The following PPARD variants were observed in gnomAD, a reference collection of about 807,000 sequenced individuals.
PPARD encodes the protein peroxisome proliferator activated receptor delta.
Under a neutral mutation model 39.5 loss-of-function variants are expected in PPARD, and 6 were observed. That is an observed-to-expected ratio of 0.15 (90% confidence interval 0.08 to 0.30). The LOEUF (loss-of-function observed/expected upper bound fraction) is 0.30. PPARD is among the 10% of genes least tolerant of loss of function. The pLI is 1.00. For missense variants in PPARD, 397 were observed against 596.8 expected, an observed-to-expected ratio of 0.67 and a Z score of 3.49; for synonymous variants, 210 against 231.3, an observed-to-expected ratio of 0.91 and a Z score of 0.83.
intron 5 of PPARD, 137 bp from the exon 6 acceptor site, chr6:35,423,809 C>T: frequency 1.3e-6 from 1 of 742,630 alleles, no homozygotes; most frequent in Non-Finnish European, 2.2e-6. Flanking sequence ...CCCATCATTC[C>T]TACCTTGCTG....
chr6:35,415,922 A>G (rs67056409), intron 3 of PPARD, among the ~76,000 whole-genome samples: 44,354 of 151,982 alleles, frequency 0.29, 8,232 homozygotes, highest in African/African-American at 0.52. Flanking sequence ...GCTCAAGTCC[A>G]AAGGCAGCCT....
Position 35,425,704 on chromosome 6 carries a change from TG to T in PPARD, c.1079-125del. 7.4e-7 allele frequency: 1 copy of T among 1,357,912 alleles called. No individual in the cohort carries two copies. Among genetic ancestry groups the T allele is most frequent in the Non-Finnish European group, 1.0e-6 (1 of 995,484 alleles). 84.1% of individuals were successfully genotyped at this position (1,357,912 alleles called of 1,614,324 possible). ...AGAACACCCAGTGGAGCATTGCTGA[TG>T]GGACAGGGCTTGGTCTGTCACGGCC... On this transcript the variant is annotated intron_variant, in intron 7 of 7. Transcript: ENST00000360694. The surrounding 1 kb of genome is among the most constrained non-coding windows in gnomAD (Gnocchi z 4.5).
intron 2 of PPARD, among the ~76,000 whole-genome samples, chr6:35,379,392 G>A (rs911617407): frequency 5.3e-5 from 8 of 152,134 alleles, no homozygotes; most frequent in Admixed American, 1.3e-4. Flanking sequence ...ATGAGCCACC[G>A]CGCCTGGCTT....
chr6:35,363,304 T>C lies in PPARD; in HGVS notation c.-102+16154T>C, dbSNP rs1172051295. ...ATGCTTAAAAGCAGGCTGATTTCCA[T>C]AGGCTGTGCGTTCCTGTGGGCCTGC... On this transcript the variant is annotated intron_variant, in intron 2 of 7. Coordinates refer to ENST00000360694, the MANE Select transcript of PPARD (RefSeq NM_006238.5). This position sits in a 1 kb window ranked among gnomAD's most constrained non-coding sequence, Gnocchi z 4.5. Among the ~76,000 whole-genome samples the C allele has an allele frequency of 6.6e-6, 1 of 152,182 alleles. No homozygotes were observed. Among genetic ancestry groups the C allele is most frequent in the African/African-American group, 2.4e-5 (1 of 41,448 alleles).
At chr6:35,391,640 AAG>A in intron 2 of PPARD, among the ~76,000 whole-genome samples, 1 of 152,340 alleles carries the variant, frequency 6.6e-6, no homozygotes, top group East Asian at 1.9e-4. Flanking sequence ...CATTTAGGAA[AAG>A]AGACGACTGT....
At chr6:35,380,070 G>A (rs1186285689) in intron 2 of PPARD, among the ~76,000 whole-genome samples, 1 of 152,344 alleles carries the variant, frequency 6.6e-6, no homozygotes, top group African/African-American at 2.4e-5. Flanking sequence ...GAATCAGAAT[G>A]TCTGGGAGTG....
At chr6:35,404,137 G>C (rs1287612852) in intron 2 of PPARD, among the ~76,000 whole-genome samples, 1 of 152,174 alleles carries the variant, frequency 6.6e-6, no homozygotes, top group African/African-American at 2.4e-5. Context: ...TCCTGGTCCA[G>C]TCTTACCCAG....
chr6:35,385,659 A>C (rs536417241), intron 2 of PPARD, among the ~76,000 whole-genome samples: 43 of 151,222 alleles, frequency 2.8e-4, no homozygotes, highest in Middle Eastern at 6.8e-3. Context: ...AAAAAAAAAA[A>C]AAAAAAAACA....
chr6:35,421,818 A>G lies in PPARD; in HGVS notation c.286-2A>G, dbSNP rs1289587667. 1 of 1,608,114 alleles carries G rather than the reference A, an allele frequency of 6.2e-7. No individual in the cohort carries two copies. Among genetic ancestry groups the G allele is most frequent in the Non-Finnish European group, 8.5e-7 (1 of 1,176,772 alleles). On this transcript the variant is annotated splice_acceptor_variant, in intron 4 of 7. Transcript: ENST00000360694. LOFTEE classifies it high-confidence loss of function. The stretch of plus-strand genomic sequence containing the variant: ...TTTCCTCACCTGTTCTTGGTGCTTC[A>G]GGGCTTCTTCCGTCGTACGATCCGC...
intron 2 of PPARD, among the ~76,000 whole-genome samples, chr6:35,410,685 T>C (rs1765368444): frequency 6.6e-6 from 1 of 152,086 alleles, no homozygotes; most frequent in Non-Finnish European, 1.5e-5. Flanking sequence ...TCCTGGAGAC[T>C]CAGAACAGAA....
At chr6:35,413,226 C>T (rs542451398) in intron 3 of PPARD, among the ~76,000 whole-genome samples, 24 of 152,264 alleles carry the variant, frequency 1.6e-4, no homozygotes, top group African/African-American at 2.6e-4. Context: ...GCAGGCATGG[C>T]GGTGACCTCT....
At chr6:35,379,429 G>A (rs146329339) in intron 2 of PPARD, among the ~76,000 whole-genome samples, 4 of 152,222 alleles carry the variant, frequency 2.6e-5, no homozygotes, top group East Asian at 1.9e-4. Context: ...CCCAACCCAC[G>A]TGAATCCCAT....
intron 2 of PPARD, among the ~76,000 whole-genome samples, chr6:35,350,520 G>T (rs937091931): frequency 5.3e-5 from 8 of 151,582 alleles, no homozygotes; most frequent in African/African-American, 1.9e-4. Flanking sequence ...TTTCCTCAGT[G>T]TATGTTCTTG....
intron 2 of PPARD, among the ~76,000 whole-genome samples, chr6:35,385,110 C>T (rs1432823591): frequency 1.4e-5 from 2 of 145,214 alleles, no homozygotes; most frequent in East Asian, 2.1e-4. Context: ...CCCCTCTGCC[C>T]GGCCACCACC....
chr6:35,376,315 G>A (rs1240974531), intron 2 of PPARD, among the ~76,000 whole-genome samples: 1 of 152,114 alleles, frequency 6.6e-6, no homozygotes, highest in Non-Finnish European at 1.5e-5. Context: ...ATATTGTTGA[G>A]CATTTTACCA....
Position 35,422,912 on chromosome 6 carries a change from T to C in PPARD, c.424+954T>C, listed in dbSNP as rs558150775. On this transcript the variant is annotated intron_variant, in intron 5 of 7. Transcript: ENST00000360694. The stretch of plus-strand genomic sequence containing the variant: ...TAAGTTTTAAAAAGTATTAGCCTCA[T>C]TTTTCTGATTAAAAAAGAAAAGTGG... Among the ~76,000 whole-genome samples the C allele has an allele frequency of 5.9e-5, 9 of 152,118 alleles. No individual in the cohort carries two copies. The South Asian group carries it at 1.7e-3, about 28-fold the overall frequency.
intron 2 of PPARD, among the ~76,000 whole-genome samples, chr6:35,397,048 G>A (rs1764369610): frequency 1.3e-5 from 2 of 152,196 alleles, no homozygotes; most frequent in African/African-American, 4.8e-5. Context: ...TTCCTCCTCA[G>A]GACTCAGCTG....
intron 2 of PPARD, among the ~76,000 whole-genome samples, chr6:35,391,380 T>C (rs1763991704): frequency 6.6e-6 from 1 of 152,254 alleles, no homozygotes; most frequent in South Asian, 2.1e-4. Context: ...TCATAGATTG[T>C]CCACATTCCA....
rs867804066 is a variant in PPARD, at chr6:35,409,598, T to G, written c.-101-1389T>G. Among the ~76,000 whole-genome samples the G allele has an allele frequency of 2.7e-4, 41 of 151,788 alleles. No individual in the cohort carries two copies. The Middle Eastern group carries it at 0.014, about 50-fold the overall frequency. ...TTTAGGTTCAGGGTACAGATGCAGG[T>G]TTGTTATGTGGGTGAACTTGTGTCA... On this transcript the variant is annotated intron_variant, in intron 2 of 7. Coordinates refer to ENST00000360694, the MANE Select transcript of PPARD (RefSeq NM_006238.5).
Sources: gnomAD v4.1 joint callset for allele counts (sites outside exome capture counted in the v4.1 genomes callset) on GRCh38, gnomAD v4.1.1 for gene constraint, Gnocchi (gnomAD v3.1) non-coding constraint, MANE v1.5 for transcripts, NCBI Gene and HGNC (gene_info 2026-07-23, HGNC 2026-07-21) for gene names.